ANO4: variants seen among roughly 807,000 people sequenced by gnomAD.
ANO4 encodes anoctamin-4.
ANO4 carries 69 observed loss-of-function variants against 141.9 expected under a neutral mutation model. The observed-to-expected ratio is 0.49, with a 90% CI of 0.40 to 0.59. ANO4 has a LOEUF of 0.59. Ranked by LOEUF, ANO4 falls within the 20% of genes least tolerant of loss-of-function variation. The probability of loss-of-function intolerance (pLI) is 0.00; values close to 1 mark genes in which losing one functional copy is unlikely to be tolerated. For synonymous variants in ANO4, 350 were observed against 394.3 expected, an observed-to-expected ratio of 0.89 and a Z score of 1.33; for missense variants, 894 against 1,162.2, an observed-to-expected ratio of 0.77 and a Z score of 3.36.
chr12:100,767,179 G>T (rs895867664), intron 3 of ANO4, among the ~76,000 whole-genome samples: 1 of 152,042 alleles, frequency 6.6e-6, no homozygotes. Flanking sequence ...TTTTATTGAA[G>T]AATTTAATCC....
At chr12:100,850,880 CAT>C (rs1296715678) in intron 1 of ANO4, among the ~76,000 whole-genome samples, 3 of 152,000 alleles carry the variant, frequency 2.0e-5, no homozygotes, top group Non-Finnish European at 2.9e-5. Flanking sequence ...ATGAAAATTA[CAT>C]ATTTTTTCAG....
chr12:100,809,662 G>T (rs929251303), intron 1 of ANO4, among the ~76,000 whole-genome samples: 2 of 152,226 alleles, frequency 1.3e-5, no homozygotes, highest in Non-Finnish European at 2.9e-5. Context: ...GGCTTAGCCA[G>T]TAGGCAGCTG....
intron 1 of ANO4, among the ~76,000 whole-genome samples, chr12:100,901,169 C>T (rs2136027070): frequency 6.6e-6 from 1 of 152,252 alleles, no homozygotes; most frequent in Non-Finnish European, 1.5e-5. Flanking sequence ...TTGATGAGTA[C>T]ATGGAGTTCA....
At chr12:101,100,124 G>A (rs1190832025) in intron 22 of ANO4, among the ~76,000 whole-genome samples, 1 of 152,118 alleles carries the variant, frequency 6.6e-6, no homozygotes, top group African/African-American at 2.4e-5. Flanking sequence ...GTTAATGCAT[G>A]AACATGACTT....
chr12:101,096,741 G>A lies in ANO4; in HGVS notation c.1850+94G>A, dbSNP rs969656363. 8 of 935,176 alleles carry A rather than the reference G, an allele frequency of 8.6e-6. No homozygotes were observed. The South Asian group carries it at 1.2e-4, about 14-fold the overall frequency. 57.9% of individuals were successfully genotyped at this position (935,176 alleles called of 1,614,324 possible). On this transcript the variant is annotated intron_variant, in intron 19 of 27. Coordinates refer to ENST00000392977, the MANE Select transcript of ANO4 (RefSeq NM_001286615.2). ...GGACAGAGAAGCCCTCCCTTAGGGT[G>A]ATTTATACAAAGTGTAAAAAGGGAA...
intron 25 of ANO4, among the ~76,000 whole-genome samples, chr12:101,120,113 T>C (rs1332449964): frequency 6.6e-6 from 1 of 152,092 alleles, no homozygotes; most frequent in Non-Finnish European, 1.5e-5. Flanking sequence ...GCCTCTCTGC[T>C]GTCTCTGCTT....
intron 17 of ANO4, among the ~76,000 whole-genome samples, chr12:101,090,157 A>C (rs1255823855): frequency 6.6e-6 from 1 of 152,224 alleles, no homozygotes; most frequent in Non-Finnish European, 1.5e-5. Flanking sequence ...ATGGGACTGT[A>C]AACTAGTTCA....
In ANO4 at chr12:101,023,372, G is replaced by A. The variant is rs368782734; in HGVS notation, c.841+3232G>A. On this transcript the variant is annotated intron_variant, in intron 9 of 27. Coordinates refer to ENST00000392977, the MANE Select transcript of ANO4 (RefSeq NM_001286615.2). ...GTTTTCTATTCAAAGACCTCCATGT[G>A]TTGAAAATTGGTAATAGGCCAGGCA... Among the ~76,000 whole-genome samples the A allele has an allele frequency of 3.9e-5, 6 of 152,292 alleles. 1 individual carries two copies. The highest frequency in any genetic ancestry group is 1.4e-4 in the African/African-American group (6 of 41,566).
chr12:100,880,251 G>A (rs541106900), intron 1 of ANO4, among the ~76,000 whole-genome samples: 27 of 152,288 alleles, frequency 1.8e-4, no homozygotes, highest in African/African-American at 6.5e-4. Context: ...TCTCTAGAAG[G>A]CTGAAGTTAA....
intron 22 of ANO4, among the ~76,000 whole-genome samples, chr12:101,108,179 G>GACTC (rs1170506691): frequency 1.3e-5 from 2 of 152,120 alleles, no homozygotes; most frequent in Non-Finnish European, 2.9e-5. Flanking sequence ...TGAAGTCATA[G>GACTC]GAGTAGATGG....
chr12:100,936,570 A>G (rs1592767433), intron 3 of ANO4, among the ~76,000 whole-genome samples: 1 of 152,214 alleles, frequency 6.6e-6, no homozygotes, highest in Admixed American at 6.6e-5. Flanking sequence ...CTAAGGGGAT[A>G]CATACATATA....
At chr12:100,755,999 C>T (rs2032592237) in intron 3 of ANO4, among the ~76,000 whole-genome samples, 1 of 152,100 alleles carries the variant, frequency 6.6e-6, no homozygotes, top group Non-Finnish European at 1.5e-5. Flanking sequence ...AAGTAGTTTT[C>T]CTTCTTTAAT....
At position 100,721,925 on chromosome 12, in the gene ANO4, C is replaced by T. The variant is rs192521631; in HGVS notation, c.22+4378C>T. Among the ~76,000 whole-genome samples the T allele has an allele frequency of 7.5e-4, 113 of 151,260 alleles. 2 individuals carry two copies. The highest frequency in any genetic ancestry group is 6.9e-3 in the Admixed American group (105 of 15,160). ...CTAGGCTGGTCTTTCCTAGGTGATC[C>T]TCCTGCCTTGGCCTCTCAAATCCCT... On this transcript the variant is annotated intron_variant, in intron 1 of 29. Transcript: ENST00000644049.
At chr12:100,902,515 A>G (rs575786295) in intron 2 of ANO4, among the ~76,000 whole-genome samples, 1 of 152,368 alleles carries the variant, frequency 6.6e-6, no homozygotes, top group South Asian at 2.1e-4. Context: ...ATGTTCCTGC[A>G]AAGTGACTTT....
chr12:100,808,855 A>C (rs12811599), intron 1 of ANO4, among the ~76,000 whole-genome samples: 59,749 of 151,896 alleles, frequency 0.39, 12,241 homozygotes, highest in Middle Eastern at 0.53. Flanking sequence ...TTAAATTTGC[A>C]ATTGAATTTA....
intron 17 of ANO4, 70 bp downstream of exon 17, chr12:101,086,894 T>G (rs1349208212): frequency 6.5e-7 from 1 of 1,547,038 alleles, no homozygotes; most frequent in Non-Finnish European, 8.8e-7. Flanking sequence ...TTTCTTCTGT[T>G]GCTAAGGGGA....
chr12:101,037,177 T>C (rs773610753), intron 10 of ANO4, 27 bp downstream of exon 10: 3 of 1,607,958 alleles, frequency 1.9e-6, no homozygotes, highest in African/African-American at 1.3e-5. Flanking sequence ...AATCTTTATC[T>C]TTCTTTCAAT....
At chr12:100,942,192 G>T (rs2042550175) in intron 4 of ANO4, among the ~76,000 whole-genome samples, 185 bp from the exon 5 acceptor site, 1 of 152,008 alleles carries the variant, frequency 6.6e-6, no homozygotes, top group Non-Finnish European at 1.5e-5. Context: ...TATTGGCCAG[G>T]CTGGTCTCGA....
At chr12:101,027,684 G>T (rs1794436493) in intron 9 of ANO4, among the ~76,000 whole-genome samples, 1 of 152,124 alleles carries the variant, frequency 6.6e-6, no homozygotes, top group Admixed American at 6.5e-5. Flanking sequence ...AATAACTCCA[G>T]CCAGAGACTC....
Sources: gnomAD v4.1 joint callset for allele counts (sites outside exome capture counted in the v4.1 genomes callset) on GRCh38, gnomAD v4.1.1 for gene constraint, MANE v1.5 for transcripts, NCBI Gene and HGNC (gene_info 2026-07-23, HGNC 2026-07-21) for gene names.